SYNC: variants seen among roughly 807,000 people sequenced by gnomAD.
SYNC encodes syncoilin, intermediate filament protein.
SYNC carries 38 observed loss-of-function variants against 49.5 expected under a neutral mutation model. That is an observed-to-expected ratio of 0.77 (90% CI 0.59 to 1.01). SYNC has a LOEUF of 1.01. Ranked by LOEUF, SYNC falls within the 50% of genes least tolerant of loss-of-function variation. The pLI is 0.00. For missense variants in SYNC, 579 were observed against 580.6 expected (o/e 1.00, Z 0.03); for synonymous variants, 201 against 230.8 (o/e 0.87, Z 1.17).
At chr1:32,692,528 C>G (rs1650214574) in intron 2 of SYNC, among the ~76,000 whole-genome samples, 1 of 152,230 alleles carries the variant, frequency 6.6e-6, no homozygotes, top group African/African-American at 2.4e-5. Flanking sequence ...CGGTGGATCA[C>G]CTGAGGTCAG....
chr1:32,698,598 C>T (rs1211580706), intron 1 of SYNC, among the ~76,000 whole-genome samples: 3 of 152,064 alleles, frequency 2.0e-5, no homozygotes, highest in Non-Finnish European at 4.4e-5. Context: ...TAGAACTGGC[C>T]CACCCTTCTA....
rs1190123290 is a variant in SYNC at position 32,702,625 on chromosome 1, G to A, written c.36C>T (p.Gly12=). 1 of 1,216,754 alleles carries A rather than the reference G, an allele frequency of 8.2e-7. No individual in the cohort carries two copies. Among genetic ancestry groups the A allele is most frequent in the Non-Finnish European group, 1.0e-6 (1 of 978,536 alleles). 75.4% of individuals were successfully genotyped at this position (1,216,754 alleles called of 1,614,324 possible). A position where few individuals can be genotyped will look rare whatever the true frequency, so the allele number is the denominator to read the frequency against. The part of the protein sequence containing the change: ...ASPEPRRGGD[G]AAQAARKTRV... ...TGTCCTACCTCGCGGCCTGGGCGGCGCCGTCCCCGCCGCGCCGGGGCTCCG... is the reference window on the plus strand; with the variant it reads ...TGTCCTACCTCGCGGCCTGGGCGGCACCGTCCCCGCCGCGCCGGGGCTCCG... Residue 12 remains glycine, a synonymous_variant, in exon 1 of 5, where the codon GGC becomes GGT. Coordinates refer to ENST00000409190, the MANE Select transcript of SYNC (RefSeq NM_030786.3). The surrounding 1 kb of genome is among the most constrained non-coding windows in gnomAD (Gnocchi z 6.2).
chr1:32,680,403 T>G lies in SYNC; in HGVS notation c.*1447A>C. On this transcript the variant is annotated 3_prime_UTR_variant, in exon 5 of 5. Coordinates refer to ENST00000409190, the MANE Select transcript of SYNC (RefSeq NM_030786.3). The stretch of plus-strand genomic sequence containing the variant: ...ACTTGGGACCACCAAGTTGTAAAGA[T>G]GTATGTTTTTACCTGACAGTTATAC... 7.9e-7 allele frequency: 1 copy of G among 1,269,512 alleles called. No homozygotes were observed. Among genetic ancestry groups the G allele is most frequent in the Non-Finnish European group, 1.0e-6 (1 of 999,438 alleles). 78.6% of individuals were successfully genotyped at this position (1,269,512 alleles called of 1,614,324 possible).
chr1:32,694,653 C>CAA (rs112953442), intron 2 of SYNC, among the ~76,000 whole-genome samples: 1,743 of 118,792 alleles, frequency 0.015, 21 homozygotes, highest in East Asian at 0.04. Context: ...GACTCCATCT[C>CAA]AAAAAAAAAA....
At position 32,680,051 on chromosome 1, in the gene SYNC, A is replaced by G. The variant is rs1649324630; in HGVS notation, c.*1799T>C. ...AAGTAAAGGCTAGAGTGAGTAAGGA[A>G]TAGAGCCAAATGAGGTAGGTGTCTG... On this transcript the variant is annotated 3_prime_UTR_variant, in exon 5 of 5. Transcript: ENST00000409190. The G allele has an allele frequency of 1.8e-6, 2 of 1,085,470 alleles. No homozygotes were observed. Among genetic ancestry groups the G allele is most frequent in the South Asian group, 6.7e-5 (2 of 29,822 alleles). The allele number at this position is 1,085,470 out of a possible 1,614,324, so 67.2% of individuals were successfully genotyped here. A position where few individuals can be genotyped will look rare whatever the true frequency, so the allele number is the denominator to read the frequency against.
intron 4 of SYNC, chr1:32,682,317 A>C (rs1570887093): frequency 6.4e-6 from 1 of 157,382 alleles, no homozygotes; most frequent in African/African-American, 2.4e-5. Flanking sequence ...GCTACTTAGC[A>C]GGCTGAGGCA....
intron 3 of SYNC, 66 bp downstream of exon 3, chr1:32,684,192 C>T (rs966154811): frequency 1.9e-6 from 3 of 1,607,040 alleles, no homozygotes; most frequent in Non-Finnish European, 2.6e-6. Context: ...GTAAAATTTT[C>T]CCTAAGCCCT....
chr1:32,695,979 G>A lies in SYNC; in HGVS notation c.119C>T (p.Ala40Val). ...KNSGSLNEAE[A>V]LNPEVTLSSE... is the part of the protein sequence containing the mutation. ...AGATAGAGTAACTTCTGGGTTCAAG[G>A]CTTCTGCCTCATTTAGGGATCCAGA... is the stretch of plus-strand genomic sequence containing the variant. The change falls in exon 2 of 5, where the codon GCC (alanine) becomes GTC (valine). Residue 40 changes from alanine to valine, a missense_variant. Coordinates refer to ENST00000409190, the MANE Select transcript of SYNC (RefSeq NM_030786.3). 6.5e-7 allele frequency: 1 copy of A among 1,543,344 alleles called. No homozygotes were observed.
intron 2 of SYNC, chr1:32,685,990 G>T (rs539126217): frequency 6.6e-6 from 1 of 152,060 alleles, no homozygotes; most frequent in African/African-American, 2.4e-5. Context: ...TTACTCTTCC[G>T]TATGAACATT....
At chr1:32,697,470 G>A (rs1025600153) in intron 1 of SYNC, among the ~76,000 whole-genome samples, 5 of 149,454 alleles carry the variant, frequency 3.3e-5, no homozygotes, top group Admixed American at 2.0e-4. Flanking sequence ...GTGGTCAAGT[G>A]CGGTGGCTCA....
chr1:32,686,059 A>G (rs1458585846), intron 2 of SYNC: 1 of 152,234 alleles, frequency 6.6e-6, no homozygotes, highest in African/African-American at 2.4e-5. Flanking sequence ...CTCATTTGAA[A>G]TATGACTAGT....
At chr1:32,690,364 T>G (rs144427828) in intron 2 of SYNC, among the ~76,000 whole-genome samples, 1 of 152,256 alleles carries the variant, frequency 6.6e-6, no homozygotes, top group Non-Finnish European at 1.5e-5. Flanking sequence ...CTAGCCCACT[T>G]TATATCCTGC....
chr1:32,680,688 TC>T lies in SYNC; in HGVS notation c.*1161del, dbSNP rs1160562659. ...GATGGGTTTTATTTAGTATAAAACA[TC>T]CATCAAACACCAGTCTCTGGCTTCT... On this transcript the variant is annotated 3_prime_UTR_variant, in exon 5 of 5. Coordinates refer to ENST00000409190, the MANE Select transcript of SYNC (RefSeq NM_030786.3). 1.4e-6 allele frequency: 1 copy of T among 710,646 alleles called. No homozygotes were observed. The highest frequency in any genetic ancestry group is 3.4e-5 in the Admixed American group (1 of 29,708). 44.0% of individuals were successfully genotyped at this position (710,646 alleles called of 1,614,324 possible).
chr1:32,694,804 C>A (rs1650324490), intron 2 of SYNC, 61 bp downstream of exon 2: 9 of 1,467,412 alleles, frequency 6.1e-6, no homozygotes, highest in Non-Finnish European at 8.2e-6. Flanking sequence ...AGACCTTGGA[C>A]TCTGGCCACT....
chr1:32,680,868 G>A lies in SYNC; in HGVS notation c.*982C>T. The A allele has an allele frequency of 3.5e-6, 1 of 289,398 alleles. No homozygotes were observed. The highest frequency in any genetic ancestry group is 5.1e-5 in the Admixed American group (1 of 19,620). The allele number at this position is 289,398 out of a possible 1,614,324, so 17.9% of individuals were successfully genotyped here. ...ACTGAATCAGAGGTGGCACAGATTA[G>A]TCTTTGATAAGGTAACGTTTCTTTG... On this transcript the variant is annotated 3_prime_UTR_variant, in exon 5 of 5. Coordinates refer to ENST00000409190, the MANE Select transcript of SYNC (RefSeq NM_030786.3).
At chr1:32,691,597 A>T (rs549173994) in intron 2 of SYNC, among the ~76,000 whole-genome samples, 1 of 151,610 alleles carries the variant, frequency 6.6e-6, no homozygotes, top group Admixed American at 6.6e-5. Context: ...TACTTCCCTG[A>T]TTAAATCCCT....
chr1:32,691,545 T>G (rs1418700659), intron 2 of SYNC, among the ~76,000 whole-genome samples: 1 of 96,176 alleles, frequency 1.0e-5, no homozygotes, highest in African/African-American at 3.3e-5. Context: ...AGAGGGAGAC[T>G]CCATCTCAGA....
In SYNC at chr1:32,695,189, C is replaced by T; in HGVS notation, c.909G>A (p.Arg303=). Residue 303 remains arginine (R), a synonymous_variant, in exon 2 of 5, where the codon CGG becomes CGA. Transcript: ENST00000409190. The stretch of plus-strand genomic sequence containing the variant: ...GGCTTGGAGGGGCTTCTAGTTGTTG[C>T]CGCAGCTGCTCCTTCTGCTTCTGAT... ...DAYQKQKEQL[R]QQLEAPPSQR... 6.4e-7 allele frequency: 1 copy of T among 1,564,928 alleles called. No individual in the cohort carries two copies. Among genetic ancestry groups the T allele is most frequent in the South Asian group, 1.2e-5 (1 of 86,444 alleles).
intron 2 of SYNC, among the ~76,000 whole-genome samples, chr1:32,692,776 G>A (rs1331810534): frequency 2.0e-5 from 3 of 151,456 alleles, no homozygotes; most frequent in East Asian, 2.0e-4. Flanking sequence ...AGGCTGAGGC[G>A]GGTGGACTGC....
Sources: allele counts gnomAD v4.1 joint callset (sites outside exome capture counted in the v4.1 genomes callset), GRCh38; gene constraint gnomAD v4.1.1; non-coding constraint Gnocchi (gnomAD v3.1); transcripts MANE v1.5; gene names NCBI Gene and HGNC (gene_info 2026-07-23, HGNC 2026-07-21).